The following GPHN variants were observed in gnomAD, a reference collection of about 807,000 sequenced individuals.
GPHN encodes the protein gephyrin.
A neutral mutation model predicts 95.5 loss-of-function variants in GPHN; 17 were observed. That is an observed-to-expected ratio of 0.18 (90% confidence interval 0.12 to 0.27). GPHN has a LOEUF of 0.27. Among genes scored for constraint, GPHN ranks in the 10% least tolerant of loss-of-function variants. GPHN has a pLI of 1.00. For missense variants in GPHN, 660 were observed against 978.1 expected (o/e 0.67, Z 4.34); for synonymous variants, 320 against 322.5 (o/e 0.99, Z 0.08).
chr14:66,613,527 T>C (rs2062871002), intron 1 of GPHN, among the ~76,000 whole-genome samples: 1 of 152,128 alleles, frequency 6.6e-6, no homozygotes, highest in African/African-American at 2.4e-5. Context: ...CAGCTGAGAA[T>C]GTACCTGTCT....
At chr14:66,610,976 G>C (rs1326183937) in intron 1 of GPHN, among the ~76,000 whole-genome samples, 1 of 152,132 alleles carries the variant, frequency 6.6e-6, no homozygotes, top group South Asian at 2.1e-4. Context: ...TGTTTTTGCT[G>C]TACTGACTTA....
intron 1 of GPHN, among the ~76,000 whole-genome samples, chr14:66,669,964 A>T (rs1174847065): frequency 6.6e-6 from 1 of 152,010 alleles, no homozygotes; most frequent in Non-Finnish European, 1.5e-5. Flanking sequence ...GCCTTTTTTC[A>T]TTCAGTTTGA....
At chr14:67,689,599 G>A in the GPHN span, among the ~76,000 whole-genome samples, 1 of 152,094 alleles carries the variant, frequency 6.6e-6, no homozygotes, top group Admixed American at 6.6e-5. Context: ...AATTAATTAT[G>A]ACAATAAACT....
chr14:66,676,672 A>ATTTTT (rs56906168), intron 1 of GPHN, among the ~76,000 whole-genome samples: 9,331 of 125,760 alleles, frequency 0.074, 436 homozygotes, highest in Admixed American at 0.14. Context: ...ATCGTAGTGT[A>ATTTTT]TTTTTTTTTT....
At chr14:67,111,353 TGTAA>T (rs2153685935) in intron 14 of GPHN, among the ~76,000 whole-genome samples, 1 of 152,290 alleles carries the variant, frequency 6.6e-6, no homozygotes, top group South Asian at 2.1e-4. Context: ...AGCCCATAAA[TGTAA>T]AATTGATTAC....
the GPHN span, chr14:67,241,822 C>G: frequency 6.6e-6 from 1 of 151,314 alleles, no homozygotes; most frequent in African/African-American, 2.4e-5. Context: ...CCAGCCGAGC[C>G]CGAGGTGCAG....
chr14:67,144,248 AAAATATAT>A lies in GPHN; in HGVS notation c.1836+801_1836+808del, dbSNP rs1386147968. Among the ~76,000 whole-genome samples, 5 of 62,596 alleles carry A rather than the reference AAAATATAT, an allele frequency of 8.0e-5. 1 individual carries two copies. Among genetic ancestry groups the A allele is most frequent in the East Asian group, 1.2e-3 (2 of 1,618 alleles). 41.1% of individuals were successfully genotyped at this position (62,596 alleles called of 152,430 possible). On this transcript the variant is annotated intron_variant, in intron 18 of 22. Coordinates refer to ENST00000478722, the MANE Select transcript of GPHN (RefSeq NM_020806.5). The stretch of plus-strand genomic sequence containing the variant: ...CAAGACCCTGTCTTAAAAAAAAAAA[AAAATATAT>A]ATATATATATATATATATATATATA...
At chr14:66,560,425 G>A (rs1376014206) in intron 1 of GPHN, among the ~76,000 whole-genome samples, 2 of 152,092 alleles carry the variant, frequency 1.3e-5, no homozygotes, top group African/African-American at 4.8e-5. Flanking sequence ...TTGAGCAGTG[G>A]TTTGTAGTTC....
At chr14:67,724,688 T>A in the GPHN span, 1 of 949,790 alleles carries the variant, frequency 1.1e-6, no homozygotes, top group Non-Finnish European at 1.7e-6. Flanking sequence ...CTCCTAGGCT[T>A]GGGGGCTCTG....
chr14:67,424,721 G>C, the GPHN span, among the ~76,000 whole-genome samples: 1 of 152,056 alleles, frequency 6.6e-6, no homozygotes, highest in Non-Finnish European at 1.5e-5. Flanking sequence ...TGTCTGAGCA[G>C]GGTCCTGCTG....
the GPHN span, among the ~76,000 whole-genome samples, chr14:67,269,248 T>C: frequency 6.6e-6 from 1 of 152,236 alleles, no homozygotes; most frequent in Non-Finnish European, 1.5e-5. Flanking sequence ...TATACAACTT[T>C]TAATAAATTC....
chr14:67,392,757 A>G, the GPHN span: 1 of 1,614,064 alleles, frequency 6.2e-7, no homozygotes, highest in East Asian at 2.2e-5. Flanking sequence ...GGCCTGAGGA[A>G]GTTCTCCTCC....
At chr14:67,217,416 T>C in the GPHN span, among the ~76,000 whole-genome samples, 1 of 152,226 alleles carries the variant, frequency 6.6e-6, no homozygotes, top group African/African-American at 2.4e-5. Flanking sequence ...TTTAAGGTTA[T>C]TAGTGATAGG....
chr14:67,408,596 G>A, the GPHN span, among the ~76,000 whole-genome samples: 1 of 152,100 alleles, frequency 6.6e-6, no homozygotes, highest in Non-Finnish European at 1.5e-5. Context: ...CATAGGGAGA[G>A]GATGGTCACG....
chr14:67,258,281 T>C, the GPHN span, among the ~76,000 whole-genome samples: 5,230 of 152,180 alleles, frequency 0.034, 123 homozygotes, highest in Middle Eastern at 0.065. Flanking sequence ...ACTCCTGTAA[T>C]TCTAGCACTT....
At chr14:67,440,655 G>A in the GPHN span, among the ~76,000 whole-genome samples, 1 of 152,076 alleles carries the variant, frequency 6.6e-6, no homozygotes, top group Admixed American at 6.5e-5. Flanking sequence ...GGGTGGCTGA[G>A]GCACGAGAAT....
chr14:67,698,240 A>C, the GPHN span, among the ~76,000 whole-genome samples: 1 of 152,232 alleles, frequency 6.6e-6, no homozygotes, highest in Non-Finnish European at 1.5e-5. Context: ...TTTGCATATA[A>C]TTTCAGGTGG....
In GPHN at chr14:66,858,360, A is replaced by G. The variant is rs185341573; in HGVS notation, c.295-21579A>G. Among the ~76,000 whole-genome samples, 3 of 152,058 alleles carry G rather than the reference A, an allele frequency of 2.0e-5. No homozygotes were observed. The East Asian group carries it at 5.9e-4, about 30-fold the overall frequency. ...GTAGGATAGGACACCAGGCAGAGTC[A>G]TGAGGCCCCCTTTCCAGGCCTTAGC... On this transcript the variant is annotated intron_variant, in intron 4 of 22. Coordinates refer to ENST00000478722, the MANE Select transcript of GPHN (RefSeq NM_020806.5).
the GPHN span, among the ~76,000 whole-genome samples, chr14:67,399,309 A>G: frequency 2.0e-5 from 3 of 146,782 alleles, no homozygotes; most frequent in East Asian, 6.1e-4. Context: ...AGAGAAGGGT[A>G]GTTTAGGTGG....
Sources: gnomAD v4.1 joint callset for allele counts (sites outside exome capture counted in the v4.1 genomes callset) on GRCh38, gnomAD v4.1.1 for gene constraint, MANE v1.5 for transcripts, NCBI Gene and HGNC (gene_info 2026-07-23, HGNC 2026-07-21) for gene names.